Variants in LRIG1 observed in about 807,000 individuals in gnomAD.
LRIG1 encodes the protein leucine-rich repeats and immunoglobulin-like domains protein 1.
LRIG1 carries 48 observed loss-of-function variants against 99.2 expected under a neutral mutation model. The observed-to-expected ratio is 0.48, with a 90% CI of 0.38 to 0.62. The LOEUF (loss-of-function observed/expected upper bound fraction) is 0.62. Among genes scored for constraint, LRIG1 ranks in the 20% least tolerant of loss-of-function variants. The pLI is 0.00. For missense variants in LRIG1, 1,646 were observed against 1,434.4 expected, an observed-to-expected ratio of 1.15 and a Z score of -2.38; for synonymous variants, 772 against 596.1, an observed-to-expected ratio of 1.29 and a Z score of -4.30.
At chr3:66,498,669 C>A (rs1701282405) in intron 1 of LRIG1, among the ~76,000 whole-genome samples, 1 of 151,092 alleles carries the variant, frequency 6.6e-6, no homozygotes, top group African/African-American at 2.5e-5. Context: ...CCCAGTACTT[C>A]ACAAAAGCTC....
intron 3 of LRIG1, among the ~76,000 whole-genome samples, chr3:66,439,766 A>AGG (rs1703481855): frequency 6.6e-6 from 1 of 152,210 alleles, no homozygotes; most frequent in African/African-American, 2.4e-5. Context: ...GACCCAGATA[A>AGG]GGGGCAAATC....
chr3:66,423,328 T>A (rs1274685549), intron 3 of LRIG1, among the ~76,000 whole-genome samples: 1 of 152,140 alleles, frequency 6.6e-6, no homozygotes, highest in Non-Finnish European at 1.5e-5. Flanking sequence ...CCCAGCACTT[T>A]AGGAGGCTGA....
At chr3:66,443,224 T>C in intron 3 of LRIG1, among the ~76,000 whole-genome samples, 1 of 151,190 alleles carries the variant, frequency 6.6e-6, no homozygotes, top group East Asian at 2.0e-4. Flanking sequence ...GCTGCAGTTC[T>C]AAGAACTGCA....
chr3:66,387,593 G>A (rs1202548900), intron 12 of LRIG1: 1 of 152,112 alleles, frequency 6.6e-6, no homozygotes, highest in East Asian at 1.9e-4. Flanking sequence ...GGAGGAGAAA[G>A]GGAATATCCA....
intron 2 of LRIG1, among the ~76,000 whole-genome samples, chr3:66,455,162 C>T (rs1014454066): frequency 6.6e-6 from 1 of 152,170 alleles, no homozygotes; most frequent in Non-Finnish European, 1.5e-5. Context: ...CCAGGCTGGT[C>T]TCGAACTCCT....
intron 7 of LRIG1, among the ~76,000 whole-genome samples, chr3:66,408,527 C>T (rs1702355713): frequency 1.3e-5 from 2 of 152,154 alleles, no homozygotes; most frequent in Non-Finnish European, 2.9e-5. Context: ...ATGCCTTCCA[C>T]CAGCTAGAGA....
intron 3 of LRIG1, among the ~76,000 whole-genome samples, chr3:66,420,655 CG>C (rs147239243): frequency 3.8e-4 from 58 of 152,318 alleles, no homozygotes; most frequent in African/African-American, 1.1e-3. Flanking sequence ...ATGAGCATTG[CG>C]GACATGATGC....
intron 3 of LRIG1, among the ~76,000 whole-genome samples, chr3:66,419,170 A>G (rs1383201094): frequency 3.3e-5 from 5 of 152,218 alleles, no homozygotes. Context: ...CCAGAAAGGC[A>G]CAAAGAGGGG....
At chr3:66,428,252 G>C (rs759918961) in intron 3 of LRIG1, among the ~76,000 whole-genome samples, 1 of 152,084 alleles carries the variant, frequency 6.6e-6, no homozygotes, top group Non-Finnish European at 1.5e-5. Flanking sequence ...AGTCCCCCAG[G>C]GTTGAAATGA....
chr3:66,383,860 G>A (rs1701229927), intron 14 of LRIG1, 131 bp downstream of exon 14: 5 of 1,322,986 alleles, frequency 3.8e-6, no homozygotes, highest in Non-Finnish European at 5.0e-6. Flanking sequence ...AACTCAAAAA[G>A]CAGCCCCAAA....
At chr3:66,488,319 C>G (rs938216391) in intron 1 of LRIG1, among the ~76,000 whole-genome samples, 6 of 151,972 alleles carry the variant, frequency 3.9e-5, no homozygotes, top group Admixed American at 1.3e-4. Flanking sequence ...CAGAGTCAGA[C>G]TTCAAAATTA....
intron 3 of LRIG1, among the ~76,000 whole-genome samples, chr3:66,439,974 G>GC (rs1473718266): frequency 6.6e-6 from 1 of 152,094 alleles, no homozygotes; most frequent in East Asian, 1.9e-4. Context: ...TAAAATGAAG[G>GC]CCAGCCTCAA....
intron 3 of LRIG1, chr3:66,417,596 C>A: frequency 3.7e-6 from 1 of 272,156 alleles, no homozygotes; most frequent in Non-Finnish European, 7.2e-6. Context: ...AAAGGATGTG[C>A]CCTGTCCTGT....
chr3:66,477,594 T>C (rs1267008019), intron 1 of LRIG1, among the ~76,000 whole-genome samples: 1 of 152,186 alleles, frequency 6.6e-6, no homozygotes, highest in Non-Finnish European at 1.5e-5. Context: ...GATGTCTTAT[T>C]ACAAGGAGAA....
At chr3:66,381,370 T>G in intron 17 of LRIG1, 109 bp downstream of exon 17, 1 of 1,105,528 alleles carries the variant, frequency 9.0e-7, no homozygotes, top group Non-Finnish European at 1.3e-6. Flanking sequence ...ATACCAAATT[T>G]GGAGACAGCT....
At chr3:66,398,254 G>A in intron 10 of LRIG1, 71 bp from the exon 11 acceptor site, 1 of 1,201,852 alleles carries the variant, frequency 8.3e-7, no homozygotes, top group East Asian at 2.3e-5. Context: ...GGACAGTCCT[G>A]GTTTCACAGA....
chr3:66,467,652 C>T (rs9830419), intron 1 of LRIG1, among the ~76,000 whole-genome samples: 5,902 of 152,310 alleles, frequency 0.039, 396 homozygotes, highest in African/African-American at 0.13. Flanking sequence ...TGAGCCACCA[C>T]GCCCAGCCCA....
chr3:66,466,478 C>A (rs917147242), intron 1 of LRIG1, among the ~76,000 whole-genome samples: 13 of 152,160 alleles, frequency 8.5e-5, no homozygotes, highest in African/African-American at 2.7e-4. Flanking sequence ...ATCAACATTG[C>A]CATTTTTTTT....
At position 66,416,978 on chromosome 3, in the gene LRIG1, G is replaced by A. The variant is rs560022969; in HGVS notation, c.503+151C>T. 36 of 958,734 alleles carry A rather than the reference G, an allele frequency of 3.8e-5. No individual in the cohort carries two copies. In the African/African-American group the frequency reaches 5.7e-4, roughly 15 times the overall value. The allele number at this position is 958,734 out of a possible 1,614,324, so 59.4% of individuals were successfully genotyped here. A position where few individuals can be genotyped will look rare whatever the true frequency, so the allele number is the denominator to read the frequency against. On this transcript the variant is annotated intron_variant, in intron 4 of 18. Transcript: ENST00000273261. ...TGGGGCTCGCCCCTGCCCTGCTCAG[G>A]GAAGGTCTGAACCATCCCCACTGAC... is the stretch of plus-strand genomic sequence containing the variant.
Sources: gnomAD v4.1 joint callset for allele counts (sites outside exome capture counted in the v4.1 genomes callset) on GRCh38, gnomAD v4.1.1 for gene constraint, MANE v1.5 for transcripts, NCBI Gene and HGNC (gene_info 2026-07-23, HGNC 2026-07-21) for gene names.